Variants in NR1H4 observed in about 807,000 individuals in gnomAD.
NR1H4 encodes the protein nuclear receptor subfamily 1 group H member 4.
NR1H4 carries 23 observed loss-of-function variants against 58.5 expected under a neutral mutation model. The ratio of observed to expected loss-of-function variants is 0.39; its 90% CI spans 0.28 to 0.56. NR1H4 has a LOEUF of 0.56. NR1H4 is among the 20% of genes least tolerant of loss of function. The probability of loss-of-function intolerance (pLI) is 0.58; values close to 1 mark genes in which losing one functional copy is unlikely to be tolerated. For missense variants in NR1H4, 487 were observed against 576.9 expected (o/e 0.84, Z 1.60); for synonymous variants, 214 against 198.0 (o/e 1.08, Z -0.68).
intron 6 of NR1H4, among the ~76,000 whole-genome samples, chr12:100,535,656 T>C (rs751001556): frequency 6.6e-6 from 1 of 152,262 alleles, no homozygotes; most frequent in Non-Finnish European, 1.5e-5. Context: ...ATTACATTAT[T>C]GACAAAGAAA....
intron 4 of NR1H4, among the ~76,000 whole-genome samples, chr12:100,516,571 T>G (rs1954271993): frequency 6.6e-6 from 1 of 152,142 alleles, no homozygotes; most frequent in African/African-American, 2.4e-5. Flanking sequence ...TTTCACCATG[T>G]TAGCCAGAAT....
intron 3 of NR1H4, among the ~76,000 whole-genome samples, chr12:100,506,030 CACACACACACACAGAG>C (rs61511008): frequency 0.03 from 4,433 of 149,502 alleles, 217 homozygotes; most frequent in African/African-American, 0.11. Flanking sequence ...CACACACACA[CACACACACACACAGAG>C]AGAGAGAGAG....
chr12:100,527,377 A>C (rs546089763), intron 4 of NR1H4, among the ~76,000 whole-genome samples: 1 of 152,170 alleles, frequency 6.6e-6, no homozygotes, highest in South Asian at 2.1e-4. Context: ...AAAATTAAAA[A>C]TTATTAATAG....
intron 3 of NR1H4, chr12:100,503,493 A>T: frequency 6.3e-7 from 1 of 1,594,788 alleles, no homozygotes; most frequent in Non-Finnish European, 8.5e-7. Flanking sequence ...GAAGCCCGCG[A>T]AAGGTAGGAC....
chr12:100,501,037 A>G (rs1953822407), intron 3 of NR1H4, among the ~76,000 whole-genome samples: 1 of 152,058 alleles, frequency 6.6e-6, no homozygotes. Context: ...AGAGAAATTC[A>G]AAGGGATCCA....
intron 3 of NR1H4, among the ~76,000 whole-genome samples, chr12:100,494,795 T>C (rs898382430): frequency 6.6e-6 from 1 of 152,246 alleles, no homozygotes; most frequent in Non-Finnish European, 1.5e-5. Context: ...TTAGGACTAT[T>C]GGCACATACC....
At chr12:100,541,435 C>T (rs888991946) in intron 9 of NR1H4, among the ~76,000 whole-genome samples, 1 of 151,910 alleles carries the variant, frequency 6.6e-6, no homozygotes, top group African/African-American at 2.4e-5. Flanking sequence ...GCATGTACTA[C>T]CACACCCAGC....
chr12:100,534,304 G>T (rs1175414706), intron 5 of NR1H4, among the ~76,000 whole-genome samples: 2 of 152,104 alleles, frequency 1.3e-5, no homozygotes, highest in Non-Finnish European at 2.9e-5. Flanking sequence ...TCAGGAATTG[G>T]CACTGTTCTT....
At chr12:100,493,663 CAG>C (rs1953651809) in intron 3 of NR1H4, among the ~76,000 whole-genome samples, 1 of 152,208 alleles carries the variant, frequency 6.6e-6, no homozygotes, top group South Asian at 2.1e-4. Flanking sequence ...AGATAATTAA[CAG>C]AGCAGGGAGT....
At chr12:100,512,856 T>C (rs2136165793) in intron 4 of NR1H4, among the ~76,000 whole-genome samples, 1 of 152,314 alleles carries the variant, frequency 6.6e-6, no homozygotes, top group South Asian at 2.1e-4. Context: ...CTGATGTTGG[T>C]GGTTGCCACA....
chr12:100,497,904 G>T (rs1953750356), intron 3 of NR1H4, among the ~76,000 whole-genome samples: 1 of 152,116 alleles, frequency 6.6e-6, no homozygotes, highest in Admixed American at 6.5e-5. Context: ...AGACTAAAGA[G>T]ACAAAGCATT....
intron 10 of NR1H4, among the ~76,000 whole-genome samples, chr12:100,562,232 T>C (rs1424928849): frequency 6.6e-6 from 1 of 152,232 alleles, no homozygotes; most frequent in Non-Finnish European, 1.5e-5. Flanking sequence ...TACTATGTAC[T>C]AACCATGATG....
At chr12:100,500,609 T>A (rs1424066944) in intron 3 of NR1H4, among the ~76,000 whole-genome samples, 1 of 152,136 alleles carries the variant, frequency 6.6e-6, no homozygotes, top group Non-Finnish European at 1.5e-5. Flanking sequence ...CAAATTATAA[T>A]CCCCACATGT....
At chr12:100,512,588 C>T (rs1309329646) in intron 4 of NR1H4, among the ~76,000 whole-genome samples, 1 of 151,962 alleles carries the variant, frequency 6.6e-6, no homozygotes, top group Non-Finnish European at 1.5e-5. Flanking sequence ...TTGCAGTGAG[C>T]CGAGATCACG....
intron 3 of NR1H4, among the ~76,000 whole-genome samples, chr12:100,499,328 T>A (rs1245638644): frequency 6.6e-6 from 1 of 152,230 alleles, no homozygotes; most frequent in African/African-American, 2.4e-5. Context: ...TACCATTGTC[T>A]CAGATAAAAT....
At chr12:100,503,489 C>A (rs748525265) in intron 3 of NR1H4, 30 of 1,594,608 alleles carry the variant, frequency 1.9e-5, no homozygotes, top group Non-Finnish European at 2.2e-5. Context: ...GTATGAAGCC[C>A]GCGAAAGGTA....
At chr12:100,542,759 G>A (rs925146261) in intron 9 of NR1H4, among the ~76,000 whole-genome samples, 2 of 152,068 alleles carry the variant, frequency 1.3e-5, no homozygotes, top group Admixed American at 6.6e-5. Context: ...ATTTTTAAAG[G>A]CAGTTTCTCC....
At chr12:100,557,169 C>T (rs2136309310) in intron 9 of NR1H4, among the ~76,000 whole-genome samples, 1 of 152,234 alleles carries the variant, frequency 6.6e-6, no homozygotes, top group East Asian at 1.9e-4. Flanking sequence ...CATGGTTCTG[C>T]AGGCTGTGCA....
At chr12:100,515,443 AT>A (rs1954240964) in intron 4 of NR1H4, among the ~76,000 whole-genome samples, 1 of 152,066 alleles carries the variant, frequency 6.6e-6, no homozygotes, top group South Asian at 2.1e-4. Flanking sequence ...AAGTGCTGGG[AT>A]TACAGGCATG....
Sources: allele counts gnomAD v4.1 joint callset (sites outside exome capture counted in the v4.1 genomes callset), GRCh38; gene constraint gnomAD v4.1.1; transcripts MANE v1.5; gene names NCBI Gene and HGNC (gene_info 2026-07-23, HGNC 2026-07-21).